Variants in ZNF282 observed in about 807,000 individuals in gnomAD.
ZNF282 encodes zinc finger protein 282, also known as HTLV-I U5 repressive element-binding protein 1.
In ZNF282, 30 loss-of-function variants were observed where a neutral mutation model predicts 61.9. The ratio of observed to expected loss-of-function variants is 0.48; its 90% CI spans 0.36 to 0.66. The LOEUF is 0.66. Ranked by LOEUF, ZNF282 falls within the 30% of genes least tolerant of loss-of-function variation. The pLI, the probability that ZNF282 is intolerant of heterozygous loss-of-function variation, is 0.00. For synonymous variants in ZNF282, 396 were observed against 405.0 expected, an observed-to-expected ratio of 0.98 and a Z score of 0.27; for missense variants, 788 against 941.4, an observed-to-expected ratio of 0.84 and a Z score of 2.13.
At chr7:149,223,066 C>T (rs559338372) in intron 7 of ZNF282, among the ~76,000 whole-genome samples, 1 of 152,216 alleles carries the variant, frequency 6.6e-6, no homozygotes, top group Non-Finnish European at 1.5e-5. Context: ...CCTCTGCCTC[C>T]CCGGTTCAAG....
rs568452592 is a variant in ZNF282, at chr7:149,213,230, C to T, written c.1067-471C>T. Among the ~76,000 whole-genome samples the T allele has an allele frequency of 8.5e-5, 13 of 152,322 alleles. No homozygotes were observed. The South Asian group carries it at 1.5e-3, about 17-fold the overall frequency. On this transcript the variant is annotated intron_variant, in intron 6 of 7. Transcript: ENST00000610704. ...TCCTTGTACTTTGTCAACTTCACCA[C>T]AGAGAAATTGAGGGGACCCAGGGCA...
rs543447513 is a variant in ZNF282, at chr7:149,220,821, A to G, written c.1181-2991A>G. Among the ~76,000 whole-genome samples the G allele has an allele frequency of 2.9e-4, 44 of 152,112 alleles. No homozygotes were observed. In the Middle Eastern group the frequency reaches 0.017, roughly 59 times the overall value. On this transcript the variant is annotated intron_variant, in intron 7 of 7. Coordinates refer to ENST00000610704, the MANE Select transcript of ZNF282 (RefSeq NM_003575.4). ...GGGTTGGGGGGGAGGGGCGTAGGAT[A>G]GAGGAGGAAGGATGACGTAATCATT...
At chr7:149,223,484 T>C (rs948882186) in intron 7 of ZNF282, among the ~76,000 whole-genome samples, 2 of 152,186 alleles carry the variant, frequency 1.3e-5, no homozygotes, top group Admixed American at 1.3e-4. Context: ...TCCATCAGAC[T>C]GCAAGTAAGT....
rs1796360836 is a variant in ZNF282, at chr7:149,225,796, T to G, written c.*1149T>G. The G allele has an allele frequency of 6.5e-6, 1 of 152,722 alleles. No homozygotes were observed. The highest frequency in any genetic ancestry group is 1.5e-5 in the Non-Finnish European group (1 of 68,104). 9.5% of individuals were successfully genotyped at this position (152,722 alleles called of 1,614,324 possible). The stretch of plus-strand genomic sequence containing the variant: ...TGCTCACGGACATGGATACAGACCC[T>G]GCTGTGCTCCACACCCTGCAGGCGC... On this transcript the variant is annotated 3_prime_UTR_variant, in exon 8 of 8. Transcript: ENST00000610704.
chr7:149,207,548 G>C (rs1796016132), intron 4 of ZNF282, 78 bp downstream of exon 4: 12 of 1,530,344 alleles, frequency 7.8e-6, no homozygotes, highest in Non-Finnish European at 1.1e-5. Flanking sequence ...CTGCTGCCGC[G>C]AGGCGCCACT....
chr7:149,214,430 A>G (rs1273822591), intron 7 of ZNF282, among the ~76,000 whole-genome samples: 2 of 151,974 alleles, frequency 1.3e-5, no homozygotes, highest in Non-Finnish European at 2.9e-5. Context: ...GGGAAGGCAC[A>G]ATTTAACCCT....
rs1795997923 is a variant in ZNF282, at chr7:149,206,835, T to C, written c.712+13T>C. 3 of 1,613,706 alleles carry C rather than the reference T, an allele frequency of 1.9e-6. No homozygotes were observed. Among genetic ancestry groups the C allele is most frequent in the Middle Eastern group, 1.6e-4 (1 of 6,082 alleles). On this transcript the variant is annotated intron_variant, in intron 3 of 7. Transcript: ENST00000610704. ...CTCATGTCCCTGGGTAAGGACACCTTCTCTCCTCTTTGGTGAGCCATCTCT... is the reference window on the plus strand; with the variant it reads ...CTCATGTCCCTGGGTAAGGACACCTCCTCTCCTCTTTGGTGAGCCATCTCT...
intron 7 of ZNF282, among the ~76,000 whole-genome samples, chr7:149,217,014 G>T (rs553752316): frequency 2.0e-5 from 3 of 152,324 alleles, no homozygotes; most frequent in Admixed American, 6.5e-5. Context: ...GAGTGCAGTG[G>T]CTAAAAGGTG....
intron 1 of ZNF282, among the ~76,000 whole-genome samples, chr7:149,196,531 G>C (rs891415069): frequency 2.0e-5 from 3 of 152,156 alleles, no homozygotes; most frequent in Non-Finnish European, 4.4e-5. Context: ...AGCTTGCCCA[G>C]GGAAGACTCT....
Position 149,224,752 on chromosome 7 carries a change from G to T in ZNF282, c.*105G>T. On this transcript the variant is annotated 3_prime_UTR_variant, in exon 8 of 8. Coordinates refer to ENST00000610704, the MANE Select transcript of ZNF282 (RefSeq NM_003575.4). ...AGCCACCGTCTGGAAATCGGCAACA[G>T]GCATTGCACTCCGGTTGGGGGTCCC... The T allele has an allele frequency of 7.0e-7, 1 of 1,431,820 alleles. No homozygotes were observed. The highest frequency in any genetic ancestry group is 1.5e-5 in the South Asian group (1 of 67,488). The allele number at this position is 1,431,820 out of a possible 1,614,324, so 88.7% of individuals were successfully genotyped here. A position where few individuals can be genotyped will look rare whatever the true frequency, so the allele number is the denominator to read the frequency against.
chr7:149,196,540 C>T (rs1010641111), intron 1 of ZNF282, among the ~76,000 whole-genome samples: 1 of 152,164 alleles, frequency 6.6e-6, no homozygotes, highest in African/African-American at 2.4e-5. Flanking sequence ...AGGGAAGACT[C>T]TCTGGGCCCA....
chr7:149,196,252 C>T (rs1449886070), intron 1 of ZNF282, among the ~76,000 whole-genome samples: 2 of 152,210 alleles, frequency 1.3e-5, no homozygotes, highest in East Asian at 3.9e-4. Flanking sequence ...TTCACTCTCC[C>T]CCTGCACCGG....
In ZNF282 at chr7:149,198,976, G is replaced by A. The variant is rs371748575; in HGVS notation, c.585+224G>A. On this transcript the variant is annotated intron_variant, in intron 2 of 7. Transcript: ENST00000610704. This position sits in a 1 kb window ranked among gnomAD's most constrained non-coding sequence, Gnocchi z 4.3. The stretch of plus-strand genomic sequence containing the variant: ...CCCCACAGTCTGCATTTCTGTCTGG[G>A]AGCCTTTGCTCTCGCTGTTCCTAGA... Among the ~76,000 whole-genome samples, 18 of 152,170 alleles carry A rather than the reference G, an allele frequency of 1.2e-4. No homozygotes were observed. Among genetic ancestry groups the A allele is most frequent in the African/African-American group, 4.1e-4 (17 of 41,432 alleles).
chr7:149,214,010 C>T (rs1002518153), intron 7 of ZNF282, among the ~76,000 whole-genome samples, 196 bp downstream of exon 7: 2 of 152,178 alleles, frequency 1.3e-5, no homozygotes, highest in Non-Finnish European at 2.9e-5. Flanking sequence ...CCAGGACTGT[C>T]ATAACAGGGT....
At chr7:149,223,755 G>A in intron 7 of ZNF282, 57 bp from the exon 8 acceptor site, 1 of 1,427,648 alleles carries the variant, frequency 7.0e-7, no homozygotes, top group Non-Finnish European at 9.1e-7. Context: ...TTCGGGAGCA[G>A]TGTGGGGTCC....
At position 149,210,894 on chromosome 7, in the gene ZNF282, C is replaced by G. The variant is rs147999250; in HGVS notation, c.952+190C>G. 3.0e-3 allele frequency among the ~76,000 whole-genome samples: 452 copies of G among 152,350 alleles called. 4 individuals are homozygous for G. Among genetic ancestry groups the G allele is most frequent in the African/African-American group, 0.01 (423 of 41,578 alleles). Reference sequence around the variant, plus strand: ...CAGGAGACACAGACGTGGCAAACAGCATTGACAATTTGCTGGTACACCTGG... The same window carrying G: ...CAGGAGACACAGACGTGGCAAACAGGATTGACAATTTGCTGGTACACCTGG... On this transcript the variant is annotated intron_variant, in intron 5 of 7. Transcript: ENST00000610704.
At chr7:149,207,565 G>T in intron 4 of ZNF282, 95 bp downstream of exon 4, 2 of 1,502,700 alleles carry the variant, frequency 1.3e-6, no homozygotes, top group East Asian at 4.9e-5. Flanking sequence ...CACTGTGTGT[G>T]CACCATGGGG....
intron 7 of ZNF282, among the ~76,000 whole-genome samples, chr7:149,218,370 G>A (rs924680663): frequency 6.6e-6 from 1 of 152,138 alleles, no homozygotes; most frequent in African/African-American, 2.4e-5. Context: ...GTGGAATCAA[G>A]ACTGACTCCT....
rs368416422 is a variant in ZNF282, at chr7:149,195,697, C to G, written c.108C>G (p.Val36=). The change falls in exon 1 of 8, where the codon GTC becomes GTG. Residue 36 remains valine, a synonymous_variant. Transcript: ENST00000610704. ...SWAQALPPEE[V]CHQEPALRGE... Reference sequence around the variant, plus strand: ...CCCAGGCTCTGCCCCCGGAGGAGGTCTGCCACCAGGAGCCGGCGCTGCGCG... The same window carrying G: ...CCCAGGCTCTGCCCCCGGAGGAGGTGTGCCACCAGGAGCCGGCGCTGCGCG... 2.8e-4 allele frequency: 435 copies of G among 1,569,128 alleles called. No individual in the cohort carries two copies. Among genetic ancestry groups the G allele is most frequent in the Non-Finnish European group, 3.6e-4 (419 of 1,159,594 alleles).
Sources: gnomAD v4.1 joint callset for allele counts (sites outside exome capture counted in the v4.1 genomes callset) on GRCh38, gnomAD v4.1.1 for gene constraint, Gnocchi (gnomAD v3.1) non-coding constraint, MANE v1.5 for transcripts, NCBI Gene and HGNC (gene_info 2026-07-23, HGNC 2026-07-21) for gene names.